Variants in NPR3 observed in about 807,000 individuals in gnomAD.
The protein encoded by NPR3 is natriuretic peptide receptor 3, also known as atrial natriuretic peptide receptor 3.
In NPR3, 34 loss-of-function variants were observed where a neutral mutation model predicts 54.5. The observed-to-expected ratio is 0.62, with a 90% CI of 0.47 to 0.83. NPR3 has a LOEUF of 0.83. NPR3 is among the 40% of genes least tolerant of loss of function. The pLI, the probability that NPR3 is intolerant of heterozygous loss-of-function variation, is 0.00. For missense variants in NPR3, 674 were observed against 720.8 expected (o/e 0.94, Z 0.74); for synonymous variants, 289 against 297.1 (o/e 0.97, Z 0.28).
In NPR3 at chr5:32,789,825, T is replaced by C. The variant is rs1742820967; in HGVS notation, c.*3480T>C. The C allele has an allele frequency of 2.1e-6, 1 of 484,616 alleles. No individual in the cohort carries two copies. The highest frequency in any genetic ancestry group is 2.0e-5 in the African/African-American group (1 of 50,270). 30.0% of individuals were successfully genotyped at this position (484,616 alleles called of 1,614,324 possible). A position where few individuals can be genotyped will look rare whatever the true frequency, so the allele number is the denominator to read the frequency against. The stretch of plus-strand genomic sequence containing the variant: ...AGGTTCCAGTGGCGTCACTACCTTC[T>C]TGTAAGCCAGTATACACTGGCTATT... On this transcript the variant is annotated 3_prime_UTR_variant, in exon 8 of 8. Transcript: ENST00000265074.
intron 5 of NPR3, among the ~76,000 whole-genome samples, chr5:32,781,347 A>G (rs1742329053): frequency 6.6e-6 from 1 of 152,230 alleles, no homozygotes; most frequent in African/African-American, 2.4e-5. Context: ...AGGGGAACAG[A>G]TCAAATGAAA....
chr5:32,767,889 G>T (rs1741558028), intron 3 of NPR3, among the ~76,000 whole-genome samples: 1 of 152,196 alleles, frequency 6.6e-6, no homozygotes, highest in Admixed American at 6.5e-5. Flanking sequence ...TGAAGTCAGA[G>T]AAATTAGAAT....
Position 32,784,842 on chromosome 5 carries a change from T to A in NPR3, c.1473T>A (p.Ala491=). Residue 491 remains alanine, a synonymous_variant, in exon 7 of 8, where the codon GCT becomes GCA. Coordinates refer to ENST00000265074, the MANE Select transcript of NPR3 (RefSeq NM_001204375.2). ...CAGTGACAGGAATTGTCGTGGGGGC[T>A]TTACTAGGAGCTGGCTTGCTAATGG... ...ESAVTGIVVG[A]LLGAGLLMAF... The A allele has an allele frequency of 6.2e-7, 1 of 1,613,850 alleles. No individual in the cohort carries two copies. The highest frequency in any genetic ancestry group is 8.5e-7 in the Non-Finnish European group (1 of 1,179,804).
intron 1 of NPR3, among the ~76,000 whole-genome samples, chr5:32,717,605 GTGA>G (rs1273346003): frequency 9.2e-5 from 14 of 152,238 alleles, no homozygotes; most frequent in Non-Finnish European, 2.1e-4. Flanking sequence ...CTGATGACCA[GTGA>G]TGATGAGCAT....
At chr5:32,782,226 AC>A (rs1203323467) in intron 5 of NPR3, among the ~76,000 whole-genome samples, 1 of 152,118 alleles carries the variant, frequency 6.6e-6, no homozygotes, top group African/African-American at 2.4e-5. Context: ...TAGTCTGGCA[AC>A]CGGAAGTGGT....
At chr5:32,742,189 C>CT (rs1740073196) in intron 3 of NPR3, among the ~76,000 whole-genome samples, 1 of 152,058 alleles carries the variant, frequency 6.6e-6, no homozygotes. Flanking sequence ...TGCTATCCGT[C>CT]TTGAATTCAG....
chr5:32,705,496 A>G (rs1737962959), upstream of NPR3, among the ~76,000 whole-genome samples: 2 of 152,324 alleles, frequency 1.3e-5, no homozygotes, highest in South Asian at 4.1e-4. Context: ...GAAACTTACA[A>G]TCATGGCAGA....
chr5:32,717,284 C>T (rs1156453886), intron 1 of NPR3, among the ~76,000 whole-genome samples: 1 of 152,026 alleles, frequency 6.6e-6, no homozygotes, highest in African/African-American at 2.4e-5. Flanking sequence ...CCAAGTCTTT[C>T]CTATTGTGAA....
At chr5:32,773,988 G>A (rs1235577634) in intron 3 of NPR3, among the ~76,000 whole-genome samples, 1 of 152,160 alleles carries the variant, frequency 6.6e-6, no homozygotes, top group Non-Finnish European at 1.5e-5. Flanking sequence ...GTTTCCTGAG[G>A]GCAAGGGCTA....
At chr5:32,703,905 C>T (rs1003200349) in intron 1 of NPR3, among the ~76,000 whole-genome samples, 11 of 152,230 alleles carry the variant, frequency 7.2e-5, no homozygotes, top group Non-Finnish European at 1.0e-4. Flanking sequence ...ACTGGCTCCA[C>T]GCCTAGCACA....
At chr5:32,741,764 G>C (rs755459061) in intron 3 of NPR3, among the ~76,000 whole-genome samples, 2 of 148,074 alleles carry the variant, frequency 1.4e-5, no homozygotes, top group African/African-American at 5.0e-5. Flanking sequence ...TTTTAGTGGG[G>C]CTTTTTCTTT....
chr5:32,703,380 G>GC (rs1257099686), intron 1 of NPR3, among the ~76,000 whole-genome samples: 1 of 151,144 alleles, frequency 6.6e-6, no homozygotes, highest in Non-Finnish European at 1.5e-5. Context: ...TTGAGACAAA[G>GC]CCCCCTTTAC....
chr5:32,705,027 C>T (rs116073277), upstream of NPR3, among the ~76,000 whole-genome samples: 460 of 152,218 alleles, frequency 3.0e-3, 1 homozygote, highest in African/African-American at 0.011. Context: ...TTTTAACAAA[C>T]TTATACTAAC....
intron 3 of NPR3, among the ~76,000 whole-genome samples, chr5:32,739,637 A>G (rs1161221683): frequency 6.6e-6 from 1 of 152,144 alleles, no homozygotes; most frequent in Non-Finnish European, 1.5e-5. Flanking sequence ...ACCTCATTTC[A>G]GACTGAGGAT....
intron 3 of NPR3, among the ~76,000 whole-genome samples, chr5:32,771,089 C>T (rs114164449): frequency 0.012 from 1,773 of 151,724 alleles, 35 homozygotes; most frequent in African/African-American, 0.041. Flanking sequence ...TTAATTTGCA[C>T]GTCGAATTTT....
intron 2 of NPR3, among the ~76,000 whole-genome samples, chr5:32,733,502 G>A (rs1472670926): frequency 6.6e-6 from 1 of 152,152 alleles, no homozygotes; most frequent in Non-Finnish European, 1.5e-5. Context: ...GTCTAGAACT[G>A]CTATTATTGT....
intron 6 of NPR3, among the ~76,000 whole-genome samples, chr5:32,784,334 GCCT>G: frequency 6.6e-6 from 1 of 152,130 alleles, no homozygotes; most frequent in South Asian, 2.1e-4. Flanking sequence ...GATTACAGGT[GCCT>G]GCCACCACAC....
At chr5:32,755,722 G>T (rs1401723348) in intron 3 of NPR3, among the ~76,000 whole-genome samples, 2 of 152,164 alleles carry the variant, frequency 1.3e-5, no homozygotes, top group Admixed American at 6.5e-5. Flanking sequence ...TTTGAAATTT[G>T]TTCCTTCCTT....
intron 3 of NPR3, among the ~76,000 whole-genome samples, chr5:32,764,788 C>CAAAAAAAAAAAAAAAAAAAAAA (rs568944478): frequency 2.7e-5 from 1 of 36,498 alleles, no homozygotes; most frequent in African/African-American, 9.7e-5. Flanking sequence ...GGGTCCATCT[C>CAAAAAAAAAAAAAAAAAAAAAA]AAAAAAAAAA....
Sources: gnomAD v4.1 joint callset for allele counts (sites outside exome capture counted in the v4.1 genomes callset) on GRCh38, gnomAD v4.1.1 for gene constraint, MANE v1.5 for transcripts, NCBI Gene and HGNC (gene_info 2026-07-23, HGNC 2026-07-21) for gene names.